Variants in TGFBRAP1 observed in about 807,000 individuals in gnomAD.
TGFBRAP1 encodes transforming growth factor-beta receptor-associated protein 1.
Under a neutral mutation model 83.2 loss-of-function variants are expected in TGFBRAP1, and 20 were observed. The ratio of observed to expected loss-of-function variants is 0.24; its 90% CI spans 0.17 to 0.35. The LOEUF is 0.35. Among genes scored for constraint, TGFBRAP1 ranks in the 10% least tolerant of loss-of-function variants. The pLI is 1.00. For synonymous variants in TGFBRAP1, 415 were observed against 459.8 expected, an observed-to-expected ratio of 0.90 and a Z score of 1.25; for missense variants, 950 against 1,099.4, an observed-to-expected ratio of 0.86 and a Z score of 1.92.
rs1459055604 is a variant in TGFBRAP1 at position 105,280,458 on chromosome 2, T to C, written c.1387A>G (p.Ser463Gly). 4 of 1,614,222 alleles carry C rather than the reference T, an allele frequency of 2.5e-6. No individual in the cohort carries two copies. In the South Asian group the frequency reaches 4.4e-5, roughly 18 times the overall value. The change falls in exon 6 of 12, where the codon AGC becomes GGC. Residue 463 changes from serine (S) to glycine (G), a missense_variant. Coordinates refer to ENST00000393359, the MANE Select transcript of TGFBRAP1 (RefSeq NM_004257.6). The stretch of plus-strand genomic sequence containing the variant: ...TCAGTGACCAGGAGGTCCAGCAGGC[T>C]GTCGTGGTCAGCCTCTGCATACAGT... ...LKLYAEADHDSLLDLLVTENF... is the reference protein window; with the variant it reads ...LKLYAEADHDGLLDLLVTENF...
rs150091437 is a variant in TGFBRAP1 at position 105,307,673 on chromosome 2, G to A, written c.629C>T (p.Pro210Leu). 1.1e-4 allele frequency: 184 copies of A among 1,614,000 alleles called. 1 individual carries two copies. The African/African-American group carries it at 1.7e-3, about 15-fold the overall frequency. Residue 210 changes from proline to leucine, a missense_variant, in exon 2 of 12, where the codon CCG becomes CTG. Physicochemically the swap from Pro to Leu is moderately conservative, Grantham distance 98. Coordinates refer to ENST00000393359, the MANE Select transcript of TGFBRAP1 (RefSeq NM_004257.6). ...DLFPYCSEER[P>L]PIVKRIGRQE... ...TCTCCCTATCCTCTTGACGATCGGC[G>A]GCCTCTCCTCACTGCAGTAGGGAAA...
Position 105,269,627 on chromosome 2 carries a change from T to C in TGFBRAP1, c.2051A>G (p.His684Arg). The C allele has an allele frequency of 1.9e-6, 3 of 1,602,412 alleles. No homozygotes were observed. Among genetic ancestry groups the C allele is most frequent in the African/African-American group, 2.7e-5 (2 of 74,864 alleles). ...GKLGEHEKAL[H>R]ILVHELQDFA... Reference sequence around the variant, plus strand: ...GTCCTGCAGCTCGTGCACCAGGATATGCAGCGCCTTCTCATGCTCGCCCAG... The same window carrying C: ...GTCCTGCAGCTCGTGCACCAGGATACGCAGCGCCTTCTCATGCTCGCCCAG... The change falls in exon 11 of 12, where the codon CAT becomes CGT. Residue 684 changes from histidine to arginine, a missense_variant. Coordinates refer to ENST00000393359, the MANE Select transcript of TGFBRAP1 (RefSeq NM_004257.6). The surrounding 1 kb of genome is among the most constrained non-coding windows in gnomAD (Gnocchi z 4.1).
intron 4 of TGFBRAP1, among the ~76,000 whole-genome samples, chr2:105,295,541 G>A (rs1050242719): frequency 1.5e-4 from 23 of 152,058 alleles, no homozygotes; most frequent in Non-Finnish European, 2.5e-4. Flanking sequence ...GGCCGGGCAC[G>A]GTGGCTCACG....
At chr2:105,272,119 C>T (rs1250004211) in intron 10 of TGFBRAP1, among the ~76,000 whole-genome samples, 1 of 152,128 alleles carries the variant, frequency 6.6e-6, no homozygotes, top group Non-Finnish European at 1.5e-5. Flanking sequence ...ACATCACTAA[C>T]CCCAGTGAGT....
intron 2 of TGFBRAP1, among the ~76,000 whole-genome samples, chr2:105,302,850 C>G (rs1006643205): frequency 3.9e-5 from 6 of 152,174 alleles, no homozygotes; most frequent in African/African-American, 1.4e-4. Flanking sequence ...GGCATAACCA[C>G]ACAGAGGAGA....
the TGFBRAP1 span, among the ~76,000 whole-genome samples, chr2:105,254,366 T>C: frequency 6.6e-6 from 1 of 152,156 alleles, no homozygotes; most frequent in Admixed American, 6.5e-5. Flanking sequence ...GGTTGGATTA[T>C]GAATCAGGTT....
intron 3 of TGFBRAP1, among the ~76,000 whole-genome samples, chr2:105,296,756 CTTTTTTTT>C (rs60031957): frequency 1.4e-5 from 1 of 73,226 alleles, no homozygotes; most frequent in Non-Finnish European, 2.6e-5. Context: ...CTTTTTTTGC[CTTTTTTTT>C]TTTTTTTTTT....
intron 8 of TGFBRAP1, 127 bp downstream of exon 8, chr2:105,275,433 C>G (rs912238983): frequency 7.0e-7 from 1 of 1,432,376 alleles, no homozygotes; most frequent in Non-Finnish European, 9.2e-7. Flanking sequence ...GGAATAATAA[C>G]AACAACAAAA....
intron 4 of TGFBRAP1, among the ~76,000 whole-genome samples, chr2:105,289,225 C>T (rs1481024214): frequency 6.6e-6 from 1 of 151,926 alleles, no homozygotes; most frequent in Non-Finnish European, 1.5e-5. Flanking sequence ...GTGCCAAACT[C>T]TCTTGGGAAG....
Position 105,307,336 on chromosome 2 carries a change from C to T in TGFBRAP1, c.688+278G>A, listed in dbSNP as rs1416223207. ...ATCTTTCTCCCAAGATGACTAAGGGCTGAGAATATCCCCACTTCCCGGTAA... is the reference window on the plus strand; with the variant it reads ...ATCTTTCTCCCAAGATGACTAAGGGTTGAGAATATCCCCACTTCCCGGTAA... On this transcript the variant is annotated intron_variant, in intron 2 of 11. Coordinates refer to ENST00000393359, the MANE Select transcript of TGFBRAP1 (RefSeq NM_004257.6). Among the ~76,000 whole-genome samples, 3 of 152,190 alleles carry T rather than the reference C, an allele frequency of 2.0e-5. No homozygotes were observed. In the East Asian group the frequency reaches 5.8e-4, roughly 29 times the overall value.
rs375229961 is a variant in TGFBRAP1 at position 105,282,210 on chromosome 2, T to C, written c.1122-1487A>G. On this transcript the variant is annotated intron_variant, in intron 5 of 11. Coordinates refer to ENST00000393359, the MANE Select transcript of TGFBRAP1 (RefSeq NM_004257.6). ...GCATGCCAGAGAAGCAGGCACTGGG[T>C]TACCCTTCCATCCATTGCTCAGATG... is the stretch of plus-strand genomic sequence containing the variant. 5.9e-5 allele frequency among the ~76,000 whole-genome samples: 9 copies of C among 152,262 alleles called. No individual in the cohort carries two copies. The East Asian group carries it at 7.7e-4, about 13-fold the overall frequency.
chr2:105,251,071 G>A, the TGFBRAP1 span, among the ~76,000 whole-genome samples: 6 of 152,176 alleles, frequency 3.9e-5, no homozygotes, highest in African/African-American at 9.6e-5. Flanking sequence ...CTGCCCGGCC[G>A]CCACCCCGTC....
intron 2 of TGFBRAP1, among the ~76,000 whole-genome samples, chr2:105,304,559 G>T (rs1286839093): frequency 1.3e-5 from 2 of 152,236 alleles, no homozygotes; most frequent in African/African-American, 4.8e-5. Flanking sequence ...GAGGCGGGTG[G>T]ATCACCTGAG....
At chr2:105,308,771 A>T (rs548338433) in intron 1 of TGFBRAP1, among the ~76,000 whole-genome samples, 34 of 152,294 alleles carry the variant, frequency 2.2e-4, no homozygotes, top group African/African-American at 7.2e-4. Flanking sequence ...TTTAAAAAAA[A>T]AAACAAAAAG....
chr2:105,260,345 G>C (rs780244976), downstream of TGFBRAP1, among the ~76,000 whole-genome samples: 18 of 152,192 alleles, frequency 1.2e-4, no homozygotes, highest in Non-Finnish European at 2.2e-4. Flanking sequence ...GGAGGCGGAG[G>C]TTGCAGTGAA....
At chr2:105,287,198 T>G (rs1472830612) in intron 4 of TGFBRAP1, among the ~76,000 whole-genome samples, 4 of 138,470 alleles carry the variant, frequency 2.9e-5, no homozygotes, top group East Asian at 2.1e-4. Flanking sequence ...CTGGTGGGGG[T>G]GTAGGGTGGG....
chr2:105,254,614 T>A, the TGFBRAP1 span, among the ~76,000 whole-genome samples: 1 of 151,906 alleles, frequency 6.6e-6, no homozygotes, highest in Non-Finnish European at 1.5e-5. Flanking sequence ...AGAAACCCTT[T>A]GAACAAGCAG....
chr2:105,258,796 G>T, the TGFBRAP1 span, among the ~76,000 whole-genome samples: 4 of 143,116 alleles, frequency 2.8e-5, no homozygotes, highest in Non-Finnish European at 6.0e-5. Context: ...CTCTCCTATT[G>T]GTTCTCTTTC....
At position 105,301,512 on chromosome 2, in the gene TGFBRAP1, G is replaced by A. The variant is rs569628075; in HGVS notation, c.689-2807C>T. On this transcript the variant is annotated intron_variant, in intron 2 of 11. Coordinates refer to ENST00000393359, the MANE Select transcript of TGFBRAP1 (RefSeq NM_004257.6). ...TAAGGCAGCAGAATCATTTGAACCC[G>A]GGAGGTGGAGGTTGCAGTGAGCCGA... 6.6e-5 allele frequency among the ~76,000 whole-genome samples: 10 copies of A among 152,054 alleles called. No individual in the cohort carries two copies. The East Asian group carries it at 1.9e-3, about 29-fold the overall frequency.
Sources: gnomAD v4.1 joint callset for allele counts (sites outside exome capture counted in the v4.1 genomes callset) on GRCh38, gnomAD v4.1.1 for gene constraint, Gnocchi (gnomAD v3.1) non-coding constraint, MANE v1.5 for transcripts, NCBI Gene and HGNC (gene_info 2026-07-23, HGNC 2026-07-21) for gene names.